CTNNA2: variants seen among roughly 807,000 people sequenced by gnomAD.
The protein encoded by CTNNA2 is catenin alpha 2, also known as catenin alpha-2.
A neutral mutation model predicts 101.0 loss-of-function variants in CTNNA2; 42 were observed. That is an observed-to-expected ratio of 0.42 (90% confidence interval 0.32 to 0.54). CTNNA2 has a LOEUF of 0.54. CTNNA2 is among the 20% of genes least tolerant of loss of function. CTNNA2 has a pLI of 0.14. For missense variants in CTNNA2, 871 were observed against 1,223.1 expected, an observed-to-expected ratio of 0.71 and a Z score of 4.29; for synonymous variants, 450 against 456.4, an observed-to-expected ratio of 0.99 and a Z score of 0.18.
chr2:80,038,259 G>A (rs1056086077), intron 7 of CTNNA2, among the ~76,000 whole-genome samples: 6 of 152,152 alleles, frequency 3.9e-5, no homozygotes, highest in African/African-American at 1.4e-4. Context: ...CTTCATTGCA[G>A]TCTTCTTGTC....
intron 3 of CTNNA2, among the ~76,000 whole-genome samples, chr2:79,335,448 AG>A (rs1167820834): frequency 1.3e-5 from 2 of 152,170 alleles, no homozygotes; most frequent in Non-Finnish European, 2.9e-5. Context: ...TACACTCTCC[AG>A]GCTGTTAATG....
intron 4 of CTNNA2, among the ~76,000 whole-genome samples, chr2:79,411,273 T>G (rs1256622110): frequency 3.9e-5 from 6 of 152,032 alleles, no homozygotes; most frequent in Non-Finnish European, 7.4e-5. Flanking sequence ...ATTAATTTTT[T>G]GAAGGGTTTT....
chr2:79,519,466 G>T (rs1671988274), intron 1 of CTNNA2, among the ~76,000 whole-genome samples: 1 of 152,082 alleles, frequency 6.6e-6, no homozygotes, highest in African/African-American at 2.4e-5. Context: ...TTTTCAACCA[G>T]CTAATTAATT....
At chr2:80,629,075 G>A (rs1475332697) in intron 18 of CTNNA2, among the ~76,000 whole-genome samples, 1 of 152,100 alleles carries the variant, frequency 6.6e-6, no homozygotes, top group African/African-American at 2.4e-5. Flanking sequence ...CATACATTGA[G>A]CACAGGGTCC....
intron 4 of CTNNA2, among the ~76,000 whole-genome samples, chr2:79,469,686 C>T (rs1450472976): frequency 3.3e-5 from 5 of 152,144 alleles, no homozygotes; most frequent in African/African-American, 7.2e-5. Context: ...CCACCATGAT[C>T]AAGTGGGCTT....
intron 1 of CTNNA2, among the ~76,000 whole-genome samples, chr2:79,188,852 A>G (rs989706046): frequency 6.6e-5 from 10 of 152,202 alleles, no homozygotes; most frequent in African/African-American, 2.2e-4. Context: ...AAGCTCTGTC[A>G]GTCAAAATTA....
intron 2 of CTNNA2, among the ~76,000 whole-genome samples, chr2:79,281,305 G>A (rs912357568): frequency 1.3e-5 from 2 of 152,074 alleles, no homozygotes; most frequent in Non-Finnish European, 2.9e-5. Context: ...TGGTCCCCAT[G>A]GTGGTGATCT....
Position 80,642,777 on chromosome 2 carries a change from G to A in CTNNA2, c.2575-4808G>A, listed in dbSNP as rs571029928. Reference sequence around the variant, plus strand: ...AGTCATTTCAAATACTTATTACGATGTTCTTCAGCTTTGGTGATATAAGGA... The same window carrying A: ...AGTCATTTCAAATACTTATTACGATATTCTTCAGCTTTGGTGATATAAGGA... On this transcript the variant is annotated intron_variant, in intron 18 of 18. Coordinates refer to ENST00000402739, the MANE Select transcript of CTNNA2 (RefSeq NM_001282597.3). 9.9e-5 allele frequency among the ~76,000 whole-genome samples: 15 copies of A among 152,258 alleles called. No individual in the cohort carries two copies. In the South Asian group the frequency reaches 3.1e-3, roughly 32 times the overall value.
chr2:79,605,623 G>A (rs941986162), intron 1 of CTNNA2, among the ~76,000 whole-genome samples: 1 of 152,062 alleles, frequency 6.6e-6, no homozygotes, highest in Non-Finnish European at 1.5e-5. Context: ...GCAATATAAG[G>A]CTAGGCATGG....
At chr2:80,405,034 G>A (rs1678935739) in intron 8 of CTNNA2, among the ~76,000 whole-genome samples, 1 of 152,082 alleles carries the variant, frequency 6.6e-6, no homozygotes. Context: ...CCTTATCGTA[G>A]CTATGAGTGC....
intron 2 of CTNNA2, among the ~76,000 whole-genome samples, chr2:79,722,965 T>C (rs1686583963): frequency 6.6e-6 from 1 of 152,160 alleles, no homozygotes; most frequent in Non-Finnish European, 1.5e-5. Context: ...TTATTTTTAT[T>C]TTGAAGGAGA....
At chr2:79,288,983 A>G (rs528369680) in intron 2 of CTNNA2, among the ~76,000 whole-genome samples, 1 of 152,330 alleles carries the variant, frequency 6.6e-6, no homozygotes, top group South Asian at 2.1e-4. Context: ...TTTCTACTAT[A>G]GGCATTATGT....
intron 1 of CTNNA2, among the ~76,000 whole-genome samples, chr2:79,640,145 A>G (rs192207594): frequency 1.6e-4 from 24 of 152,308 alleles, no homozygotes; most frequent in Middle Eastern, 3.4e-3. Context: ...TTGTATTCAA[A>G]TCATGTATTT....
chr2:79,281,070 C>A (rs548239201), intron 2 of CTNNA2, among the ~76,000 whole-genome samples: 5 of 152,156 alleles, frequency 3.3e-5, no homozygotes, highest in African/African-American at 1.2e-4. Flanking sequence ...TGGGGCTTCA[C>A]CAGCTAAAGC....
chr2:79,300,989 G>A (rs1573053019), intron 2 of CTNNA2, among the ~76,000 whole-genome samples: 2 of 152,070 alleles, frequency 1.3e-5, no homozygotes. Flanking sequence ...CATTTTTCCT[G>A]ACCTCTTTGA....
At chr2:79,970,894 A>G (rs1446246231) in intron 7 of CTNNA2, among the ~76,000 whole-genome samples, 1 of 152,100 alleles carries the variant, frequency 6.6e-6, no homozygotes, top group African/African-American at 2.4e-5. Flanking sequence ...TTGAGGTTGG[A>G]CTGTGATTTG....
chr2:80,308,994 C>G (rs1677279733), intron 7 of CTNNA2, among the ~76,000 whole-genome samples: 1 of 151,972 alleles, frequency 6.6e-6, no homozygotes, highest in Non-Finnish European at 1.5e-5. Context: ...GAGGCTGAGG[C>G]AGGAGAATCA....
At chr2:80,083,848 A>G (rs867693943) in intron 7 of CTNNA2, among the ~76,000 whole-genome samples, 5 of 152,158 alleles carry the variant, frequency 3.3e-5, no homozygotes, top group African/African-American at 1.2e-4. Flanking sequence ...TCAAGATCTT[A>G]CAAGAAGAAA....
At chr2:79,634,339 A>G (rs2104377489) in intron 1 of CTNNA2, among the ~76,000 whole-genome samples, 1 of 152,282 alleles carries the variant, frequency 6.6e-6, no homozygotes, top group South Asian at 2.1e-4. Flanking sequence ...GGTTGAACAA[A>G]TACCTTTAGA....
Sources: gnomAD v4.1 joint callset for allele counts (sites outside exome capture counted in the v4.1 genomes callset) on GRCh38, gnomAD v4.1.1 for gene constraint, MANE v1.5 for transcripts, NCBI Gene and HGNC (gene_info 2026-07-23, HGNC 2026-07-21) for gene names.